The following UNC13B variants were observed in gnomAD, a reference collection of about 807,000 sequenced individuals.
UNC13B encodes the protein unc-13 homolog B, also known as protein unc-13 homolog B.
A neutral mutation model predicts 211.0 loss-of-function variants in UNC13B; 144 were observed. That is an observed-to-expected ratio of 0.68 (90% CI 0.60 to 0.78). UNC13B has a LOEUF of 0.78. Ranked by LOEUF, UNC13B falls within the 30% of genes least tolerant of loss-of-function variation. UNC13B has a pLI of 0.00. For synonymous variants in UNC13B, 709 were observed against 725.8 expected (o/e 0.98, Z 0.37); for missense variants, 1,777 against 2,002.0 (o/e 0.89, Z 2.14).
At chr9:35,319,981 G>C (rs1392636788) in intron 11 of UNC13B, among the ~76,000 whole-genome samples, 2 of 152,158 alleles carry the variant, frequency 1.3e-5, no homozygotes, top group Non-Finnish European at 1.5e-5. Context: ...TTATAAATGA[G>C]AATATGCAAT....
At position 35,386,296 on chromosome 9, in the gene UNC13B, A is replaced by G. The variant is rs1359760555; in HGVS notation, c.11094+3A>G. 2 of 1,613,954 alleles carry G rather than the reference A, an allele frequency of 1.2e-6. No individual in the cohort carries two copies. The highest frequency in any genetic ancestry group is 1.7e-6 in the Non-Finnish European group (2 of 1,179,984). On this transcript the variant is annotated splice_donor_region_variant and intron_variant, in intron 24 of 39. Coordinates refer to ENST00000635942, the MANE Select transcript of UNC13B (RefSeq NM_001371189.2). ...TATACAGCCGCCAGTACCAGCTGGT[A>G]AGAGGTTCAGGATCAGGTGGGGCCA...
chr9:35,270,190 G>A (rs1331268325), intron 7 of UNC13B, among the ~76,000 whole-genome samples: 6 of 152,214 alleles, frequency 3.9e-5, no homozygotes, highest in Non-Finnish European at 7.4e-5. Context: ...AGTTTTGCTC[G>A]TTGCTACAGG....
chr9:35,166,903 CA>C, intron 1 of UNC13B, among the ~76,000 whole-genome samples: 1 of 152,046 alleles, frequency 6.6e-6, no homozygotes, highest in East Asian at 1.9e-4. Context: ...TTTTTAACCT[CA>C]ATGATCTATT....
At chr9:35,229,487 C>T (rs926343901) in intron 2 of UNC13B, among the ~76,000 whole-genome samples, 24 of 152,108 alleles carry the variant, frequency 1.6e-4, no homozygotes, top group African/African-American at 5.8e-4. Context: ...AGCTTCAGCA[C>T]CAACCACCAA....
At chr9:35,351,906 A>G in intron 11 of UNC13B, 1 of 1,232,268 alleles carries the variant, frequency 8.1e-7, no homozygotes, top group Non-Finnish European at 1.0e-6. Flanking sequence ...TCCAGAGGCC[A>G]TGGCCAAGGC....
At chr9:35,309,852 C>G (rs1227561590) in intron 9 of UNC13B, among the ~76,000 whole-genome samples, 1 of 152,132 alleles carries the variant, frequency 6.6e-6, no homozygotes, top group East Asian at 1.9e-4. Flanking sequence ...TTGATGAGAC[C>G]ATTCGTTTGT....
At chr9:35,237,624 T>G in intron 4 of UNC13B, 79 bp from the exon 5 acceptor site, 1 of 1,573,594 alleles carries the variant, frequency 6.4e-7, no homozygotes, top group Non-Finnish European at 8.6e-7. Flanking sequence ...ACAAGGAACT[T>G]CAGAGAAAAA....
chr9:35,381,783 C>T (rs1834858240), intron 20 of UNC13B, 64 bp downstream of exon 20: 2 of 1,580,244 alleles, frequency 1.3e-6, no homozygotes, highest in East Asian at 4.5e-5. Context: ...TTAAGGCACA[C>T]TGACATGGTG....
chr9:35,228,479 C>T (rs1298762932), intron 2 of UNC13B, among the ~76,000 whole-genome samples: 2 of 151,892 alleles, frequency 1.3e-5, no homozygotes, highest in East Asian at 1.9e-4. Context: ...AATGCTATCC[C>T]TCCCCCCGTC....
intron 11 of UNC13B, among the ~76,000 whole-genome samples, chr9:35,336,096 C>T (rs1475054764): frequency 1.3e-5 from 2 of 152,044 alleles, no homozygotes; most frequent in Non-Finnish European, 2.9e-5. Flanking sequence ...ATTTTCTTTT[C>T]TAGTTAATCT....
rs996608008 is a variant in UNC13B at position 35,236,614 on chromosome 9, G to T, written c.270+28G>T. 1.9e-6 allele frequency: 3 copies of T among 1,592,416 alleles called. No individual in the cohort carries two copies. The African/African-American group carries it at 4.0e-5, about 21-fold the overall frequency. The stretch of plus-strand genomic sequence containing the variant: ...CAGTCATTGCATTTTCTGTTTGGAA[G>T]TATGGTTCCCAGCCCATGCTTCTCC... On this transcript the variant is annotated intron_variant, in intron 4 of 39. Coordinates refer to ENST00000635942, the MANE Select transcript of UNC13B (RefSeq NM_001371189.2).
At chr9:35,342,078 G>C (rs933714049) in intron 11 of UNC13B, 1 of 985,374 alleles carries the variant, frequency 1.0e-6, no homozygotes, top group African/African-American at 1.7e-5. Flanking sequence ...TTTTTTGCAG[G>C]GCATTGTTTC....
intron 1 of UNC13B, among the ~76,000 whole-genome samples, chr9:35,220,977 G>A (rs886596821): frequency 4.6e-5 from 7 of 152,130 alleles, no homozygotes; most frequent in African/African-American, 1.7e-4. Context: ...ATACCTCATA[G>A]TAGTTTTGAT....
chr9:35,361,853 C>T (rs1490584691), intron 11 of UNC13B: 1 of 152,102 alleles, frequency 6.6e-6, no homozygotes, highest in East Asian at 1.9e-4. Context: ...TGCCTGAGTC[C>T]ACCCAGTAGG....
Position 35,205,688 on chromosome 9 carries a change from AT to A in UNC13B, c.23-22320del, listed in dbSNP as rs532163835. On this transcript the variant is annotated intron_variant, in intron 1 of 39. Coordinates refer to ENST00000635942, the MANE Select transcript of UNC13B (RefSeq NM_001371189.2). ...TAGCTGCTTTCTTTCACTTAACATCATTTTTTTAGGTTCATCCAAGTTGTAG... is the reference window on the plus strand; with the variant it reads ...TAGCTGCTTTCTTTCACTTAACATCATTTTTTAGGTTCATCCAAGTTGTAG... Among the ~76,000 whole-genome samples, 452 of 152,190 alleles carry A rather than the reference AT, an allele frequency of 3.0e-3. 2 individuals are homozygous for A. Among genetic ancestry groups the A allele is most frequent in the Non-Finnish European group, 4.9e-3 (332 of 68,006 alleles).
chr9:35,304,161 G>A lies in UNC13B; in HGVS notation c.4757G>A (p.Cys1586Tyr), dbSNP rs999763532. 2.5e-6 allele frequency: 1 copy of A among 398,660 alleles called. No individual in the cohort carries two copies. Among genetic ancestry groups the A allele is most frequent in the African/African-American group, 2.1e-5 (1 of 48,620 alleles). The allele number at this position is 398,660 out of a possible 1,614,324, so 24.7% of individuals were successfully genotyped here. ...ITLDDSIISA[C>Y]SFKVLDKEDE... Reference sequence around the variant, plus strand: ...TTGGATGACAGCATTATTTCTGCCTGTAGTTTTAAAGTACTTGATAAGGAA... The same window carrying A: ...TTGGATGACAGCATTATTTCTGCCTATAGTTTTAAAGTACTTGATAAGGAA... Residue 1586 changes from cysteine (C) to tyrosine (Y), a missense_variant, in exon 9 of 40, where the codon TGT becomes TAT. By Grantham distance (194) the Cys-to-Tyr change is radical. Transcript: ENST00000635942.
Position 35,385,038 on chromosome 9 carries a change from G to T in UNC13B, c.10876-686G>T, listed in dbSNP as rs553498839. On this transcript the variant is annotated intron_variant, in intron 22 of 39. Coordinates refer to ENST00000635942, the MANE Select transcript of UNC13B (RefSeq NM_001371189.2). Reference sequence around the variant, plus strand: ...CCATTTGCACAAATAATGGACAGCTGACTGTATATCTTATATTTGGCATAT... The same window carrying T: ...CCATTTGCACAAATAATGGACAGCTTACTGTATATCTTATATTTGGCATAT... The T allele has an allele frequency of 1.0e-5, 10 of 985,416 alleles. No individual in the cohort carries two copies. The African/African-American group carries it at 1.6e-4, about 15-fold the overall frequency. The allele number at this position is 985,416 out of a possible 1,614,324, so 61.0% of individuals were successfully genotyped here. A position where few individuals can be genotyped will look rare whatever the true frequency, so the allele number is the denominator to read the frequency against.
At chr9:35,314,771 T>A (rs1014416130) in intron 11 of UNC13B, among the ~76,000 whole-genome samples, 2 of 150,316 alleles carry the variant, frequency 1.3e-5, no homozygotes, top group African/African-American at 4.9e-5. Context: ...CTCCCACTTA[T>A]AAGTGAGACC....
intron 1 of UNC13B, among the ~76,000 whole-genome samples, chr9:35,165,994 T>C (rs1244165108): frequency 1.3e-5 from 2 of 152,202 alleles, no homozygotes; most frequent in African/African-American, 4.8e-5. Context: ...CTTTCCATAA[T>C]ATTTCTCTGT....
Sources: allele counts gnomAD v4.1 joint callset (sites outside exome capture counted in the v4.1 genomes callset), GRCh38; gene constraint gnomAD v4.1.1; transcripts MANE v1.5; gene names NCBI Gene and HGNC (gene_info 2026-07-23, HGNC 2026-07-21).